The following CPPED1 variants were observed in gnomAD, a reference collection of about 807,000 sequenced individuals.
The protein encoded by CPPED1 is calcineurin like phosphoesterase domain containing 1, also known as serine/threonine-protein phosphatase CPPED1.
In CPPED1, 28 loss-of-function variants were observed where a neutral mutation model predicts 28.0. The ratio of observed to expected loss-of-function variants is 1.00; its 90% CI spans 0.74 to 1.37. CPPED1 has a LOEUF of 1.37. Among genes scored for constraint, CPPED1 ranks in the 40% most tolerant of loss-of-function variants. The pLI, the probability that CPPED1 is intolerant of heterozygous loss-of-function variation, is 0.00. For synonymous variants in CPPED1, 198 were observed against 180.2 expected, an observed-to-expected ratio of 1.10 and a Z score of -0.79; for missense variants, 504 against 416.5, an observed-to-expected ratio of 1.21 and a Z score of -1.83.
chr16:12,748,622 A>G (rs575630955), intron 2 of CPPED1, among the ~76,000 whole-genome samples: 1 of 152,300 alleles, frequency 6.6e-6, no homozygotes, highest in African/African-American at 2.4e-5. Context: ...GCGGTGGCTC[A>G]TGCCTGTAAT....
At chr16:12,699,912 A>C (rs2080011389) in intron 3 of CPPED1, among the ~76,000 whole-genome samples, 2 of 152,188 alleles carry the variant, frequency 1.3e-5, no homozygotes, top group Non-Finnish European at 2.9e-5. Context: ...TGGCTCTCCA[A>C]AATGAGTTCC....
intron 3 of CPPED1, among the ~76,000 whole-genome samples, chr16:12,685,987 C>T (rs1358733965): frequency 1.3e-5 from 2 of 152,196 alleles, no homozygotes; most frequent in Admixed American, 6.5e-5. Context: ...AGAAGCACAG[C>T]GGGTGTGCAG....
At position 12,673,600 on chromosome 16, in the gene CPPED1, C is replaced by T. The variant is rs530735997; in HGVS notation, c.716-8485G>A. 6.6e-5 allele frequency among the ~76,000 whole-genome samples: 10 copies of T among 152,214 alleles called. No homozygotes were observed. In the East Asian group the frequency reaches 1.2e-3, roughly 18 times the overall value. ...CAGAGGACCTCTCAGAGCGGGTCTC[C>T]CCAGACCCGTGGACAGCTGTTCCTC... On this transcript the variant is annotated intron_variant, in intron 3 of 3. Transcript: ENST00000381774.
chr16:12,791,629 C>T (rs1178269564), intron 1 of CPPED1, among the ~76,000 whole-genome samples: 1 of 152,184 alleles, frequency 6.6e-6, no homozygotes, highest in Non-Finnish European at 1.5e-5. Context: ...TGGTTCCCAC[C>T]TGGGAGAAGG....
chr16:12,664,855 A>T lies in CPPED1; in HGVS notation c.*31T>A, dbSNP rs887461503. On this transcript the variant is annotated 3_prime_UTR_variant, in exon 4 of 4. Transcript: ENST00000381774. The surrounding 1 kb of genome is among the most constrained non-coding windows in gnomAD (Gnocchi z 4.2). ...TCTGGCAAAATAAAAAAATAGTGCA[A>T]GTGAAAAGTGAACGGGAACGGGAAG... 6.2e-7 allele frequency: 1 copy of T among 1,609,220 alleles called. No individual in the cohort carries two copies. Among genetic ancestry groups the T allele is most frequent in the Admixed American group, 1.7e-5 (1 of 58,384 alleles).
intron 3 of CPPED1, among the ~76,000 whole-genome samples, chr16:12,675,811 G>C (rs2079874873): frequency 6.6e-6 from 1 of 152,182 alleles, no homozygotes; most frequent in African/African-American, 2.4e-5. Flanking sequence ...CTCAGTGGTA[G>C]GGAAAAATGT....
intron 2 of CPPED1, among the ~76,000 whole-genome samples, chr16:12,712,353 CAG>C (rs1444735529): frequency 2.0e-5 from 3 of 152,126 alleles, no homozygotes; most frequent in Non-Finnish European, 2.9e-5. Flanking sequence ...AAACTCCTTT[CAG>C]GGGGCAAGTA....
At position 12,776,047 on chromosome 16, in the gene CPPED1, G is replaced by A. The variant is rs933954786; in HGVS notation, c.289+5138C>T. ...AAGGGGAATCTGCAGATGGGATTAT[G>A]TTAAGGATCTTGAGATGGAAACATT... On this transcript the variant is annotated intron_variant, in intron 2 of 3. Transcript: ENST00000381774. Among the ~76,000 whole-genome samples the A allele has an allele frequency of 4.2e-4, 64 of 152,204 alleles. 1 individual carries two copies. Among genetic ancestry groups the A allele is most frequent in the African/African-American group, 1.5e-3 (62 of 41,450 alleles).
chr16:12,680,200 C>G (rs2079897783), intron 3 of CPPED1, among the ~76,000 whole-genome samples: 1 of 152,186 alleles, frequency 6.6e-6, no homozygotes, highest in Non-Finnish European at 1.5e-5. Context: ...AAATTGCCTG[C>G]ATTTCTCCCA....
chr16:12,676,639 G>C (rs2079879316), intron 3 of CPPED1, among the ~76,000 whole-genome samples: 1 of 152,148 alleles, frequency 6.6e-6, no homozygotes, highest in Admixed American at 6.5e-5. Context: ...CCGTGCCATA[G>C]GCCCTGTAAG....
rs774979795 is a variant in CPPED1, at chr16:12,781,396, T to A, written c.78A>T (p.Glu26Asp). Residue 26 changes from glutamate to aspartate, a missense_variant, in exon 2 of 4, where the codon GAA becomes GAT. Transcript: ENST00000381774. ...RTLAAFPAEK[E>D]SEWKGPFYFI... ...AGTAGAATGGGCCTTTCCATTCGCT[T>A]TCCTTTTCTTAAAAAAAGAGAGAGG... is the stretch of plus-strand genomic sequence containing the variant. 1.2e-6 allele frequency: 2 copies of A among 1,612,818 alleles called. No individual in the cohort carries two copies. Among genetic ancestry groups the A allele is most frequent in the Non-Finnish European group, 8.5e-7 (1 of 1,179,542 alleles).
chr16:12,695,927 C>A (rs1363201594), intron 3 of CPPED1, among the ~76,000 whole-genome samples: 1 of 152,140 alleles, frequency 6.6e-6, no homozygotes, highest in African/African-American at 2.4e-5. Context: ...CAGGTGTGTG[C>A]TTTAAAAAAT....
At chr16:12,685,960 AATGGGTC>A (rs1240116405) in intron 3 of CPPED1, among the ~76,000 whole-genome samples, 3 of 152,144 alleles carry the variant, frequency 2.0e-5, no homozygotes, top group Non-Finnish European at 4.4e-5. Context: ...CAGCCTAAGG[AATGGGTC>A]ATGACAGGGA....
intron 2 of CPPED1, among the ~76,000 whole-genome samples, chr16:12,729,566 G>A (rs1030092510): frequency 2.0e-5 from 3 of 152,298 alleles, no homozygotes; most frequent in African/African-American, 7.2e-5. Context: ...GACGTCTGGA[G>A]TACTGGTGAG....
intron 2 of CPPED1, among the ~76,000 whole-genome samples, chr16:12,770,816 T>C (rs9926045): frequency 0.019 from 2,573 of 134,536 alleles, 85 homozygotes; most frequent in African/African-American, 0.069. Context: ...AGTGAGGCTA[T>C]ATCAAGGAAA....
intron 3 of CPPED1, among the ~76,000 whole-genome samples, chr16:12,675,939 A>G (rs2079875401): frequency 6.6e-6 from 1 of 152,194 alleles, no homozygotes; most frequent in East Asian, 1.9e-4. Flanking sequence ...GCAGGCTTTG[A>G]GATAAGAGAT....
At chr16:12,729,436 A>G (rs994306107) in intron 2 of CPPED1, among the ~76,000 whole-genome samples, 2 of 152,256 alleles carry the variant, frequency 1.3e-5, no homozygotes, top group Admixed American at 1.3e-4. Context: ...AAAACATTTA[A>G]GAGAAAGCAT....
intron 3 of CPPED1, among the ~76,000 whole-genome samples, chr16:12,698,685 C>T (rs755144352): frequency 4.6e-5 from 7 of 152,278 alleles, no homozygotes; most frequent in Admixed American, 1.3e-4. Context: ...CCCACCTCGG[C>T]CTCCCAAAGT....
intron 2 of CPPED1, among the ~76,000 whole-genome samples, chr16:12,716,471 A>G (rs1172143182): frequency 1.3e-5 from 2 of 152,204 alleles, no homozygotes; most frequent in African/African-American, 4.8e-5. Flanking sequence ...CTGTTTAGAG[A>G]TTCTGGGGTG....
Sources: allele counts gnomAD v4.1 joint callset (sites outside exome capture counted in the v4.1 genomes callset), GRCh38; gene constraint gnomAD v4.1.1; non-coding constraint Gnocchi (gnomAD v3.1); transcripts MANE v1.5; gene names NCBI Gene and HGNC (gene_info 2026-07-23, HGNC 2026-07-21).